ERBB4: variants seen among roughly 807,000 people sequenced by gnomAD.
ERBB4 encodes the protein erb-b2 receptor tyrosine kinase 4, also known as receptor tyrosine-protein kinase erbB-4.
Under a neutral mutation model 158.0 loss-of-function variants are expected in ERBB4, and 42 were observed. The ratio of observed to expected loss-of-function variants is 0.27; its 90% CI spans 0.21 to 0.34. The LOEUF is 0.34. Among genes scored for constraint, ERBB4 ranks in the 10% least tolerant of loss-of-function variants. The pLI is 1.00. For synonymous variants in ERBB4, 583 were observed against 558.7 expected, an observed-to-expected ratio of 1.04 and a Z score of -0.61; for missense variants, 1,333 against 1,624.1, an observed-to-expected ratio of 0.82 and a Z score of 3.08.
At chr2:211,740,622 C>CTTTTTTTTTTTTTTTT (rs1169540948) in intron 5 of ERBB4, among the ~76,000 whole-genome samples, 1 of 90,174 alleles carries the variant, frequency 1.1e-5, no homozygotes, top group Non-Finnish European at 2.0e-5. Context: ...TTTTCTTTGT[C>CTTTTTTTTTTTTTTTT]TTTTTTTTTT....
At chr2:212,251,218 T>C (rs2084520646) in intron 1 of ERBB4, among the ~76,000 whole-genome samples, 1 of 152,158 alleles carries the variant, frequency 6.6e-6, no homozygotes, top group Admixed American at 6.6e-5. Context: ...TTGCTTTTTA[T>C]TTACAAAAAT....
chr2:212,403,761 T>C (rs913605340), intron 1 of ERBB4, among the ~76,000 whole-genome samples: 3 of 152,022 alleles, frequency 2.0e-5, no homozygotes, highest in African/African-American at 7.2e-5. Flanking sequence ...AATCGACAGG[T>C]ACAAAGTTTC....
At position 211,657,552 on chromosome 2, in the gene ERBB4, C is replaced by T. The variant is rs368552449; in HGVS notation, c.1946+202G>A. On this transcript the variant is annotated intron_variant, in intron 16 of 27. Coordinates refer to ENST00000342788, the MANE Select transcript of ERBB4 (RefSeq NM_005235.3). Reference sequence around the variant, plus strand: ...ATCGATGGTGTTACTAACTGGGACTCTTGTATCACAATGAATGAAGGAAAA... The same window carrying T: ...ATCGATGGTGTTACTAACTGGGACTTTTGTATCACAATGAATGAAGGAAAA... 367 of 586,640 alleles carry T rather than the reference C, an allele frequency of 6.3e-4. 4 individuals carry two copies. In the East Asian group the frequency reaches 9.9e-3, roughly 16 times the overall value. The allele number at this position is 586,640 out of a possible 1,614,324, so 36.3% of individuals were successfully genotyped here.
chr2:212,091,112 G>C (rs1299002314), intron 2 of ERBB4, among the ~76,000 whole-genome samples: 1 of 151,784 alleles, frequency 6.6e-6, no homozygotes, highest in African/African-American at 2.4e-5. Flanking sequence ...ATGTGTAAAT[G>C]TCTATACAGA....
At chr2:212,537,463 G>C (rs1364268100) in intron 1 of ERBB4, among the ~76,000 whole-genome samples, 1 of 151,990 alleles carries the variant, frequency 6.6e-6, no homozygotes, top group Non-Finnish European at 1.5e-5. Context: ...AAGCCGTGGC[G>C]GGCCAGCCCC....
intron 20 of ERBB4, among the ~76,000 whole-genome samples, chr2:211,467,821 A>T (rs1423240932): frequency 6.6e-6 from 1 of 152,200 alleles, no homozygotes; most frequent in Non-Finnish European, 1.5e-5. Context: ...GGTGATCTAG[A>T]TAAAACATGT....
chr2:211,934,926 T>TAAAAAAAAAAAAAAAAACAAAAAAAA (rs34614862), intron 3 of ERBB4, among the ~76,000 whole-genome samples: 2 of 86,646 alleles, frequency 2.3e-5, no homozygotes, highest in Non-Finnish European at 5.1e-5. Flanking sequence ...CTCATTCAGC[T>TAAAAAAAAAAAAAAAAACAAAAAAAA]AAAAAAAAAA....
intron 2 of ERBB4, among the ~76,000 whole-genome samples, chr2:212,123,707 T>A (rs1007863865): frequency 6.6e-6 from 1 of 152,110 alleles, no homozygotes; most frequent in African/African-American, 2.4e-5. Flanking sequence ...TTTTCTGAGG[T>A]TGTTACCAAT....
intron 20 of ERBB4, among the ~76,000 whole-genome samples, chr2:211,535,429 T>TACC (rs559579066): frequency 3.9e-4 from 59 of 152,140 alleles, no homozygotes; most frequent in South Asian, 1.2e-3. Flanking sequence ...GAGTCTTAGG[T>TACC]ACCAGCATTA....
At chr2:212,240,832 T>C (rs1339024610) in intron 1 of ERBB4, among the ~76,000 whole-genome samples, 2 of 151,986 alleles carry the variant, frequency 1.3e-5, no homozygotes, top group African/African-American at 4.8e-5. Context: ...AGTTCACATC[T>C]TTGGGTCTTG....
intron 20 of ERBB4, among the ~76,000 whole-genome samples, chr2:211,483,901 G>C (rs2065143125): frequency 6.6e-6 from 1 of 152,024 alleles, no homozygotes. Context: ...AGAAGATAAA[G>C]AGCAACATAT....
At chr2:212,113,234 G>C (rs766327241) in intron 2 of ERBB4, among the ~76,000 whole-genome samples, 3 of 152,084 alleles carry the variant, frequency 2.0e-5, no homozygotes, top group African/African-American at 7.2e-5. Flanking sequence ...ACATTCCATA[G>C]AGGAAGAAAA....
rs1250397553 is a variant in ERBB4 at position 212,124,767 on chromosome 2, G to C, written c.219C>G (p.Asp73Glu). The C allele has an allele frequency of 6.2e-7, 1 of 1,614,116 alleles. No individual in the cohort carries two copies. Among genetic ancestry groups the C allele is most frequent in the Non-Finnish European group, 8.5e-7 (1 of 1,179,998 alleles). Reference protein sequence around the residue: ...LEITSIEHNRDLSFLRSVREV... With the variant: ...LEITSIEHNRELSFLRSVREV... Reference sequence around the variant, plus strand: ...ACAGCTTTACCCGCAGGAAGGAGAGGTCCCGGTTGTGCTCAATGCTGGTTA... The same window carrying C: ...ACAGCTTTACCCGCAGGAAGGAGAGCTCCCGGTTGTGCTCAATGCTGGTTA... Residue 73 changes from aspartate (D) to glutamate (E), a missense_variant, in exon 2 of 28, where the codon GAC (aspartate) becomes GAG (glutamate). This residue lies in a region of ERBB4 where 438 missense variants were observed against 586.9 expected (regional missense o/e 0.75). Transcript: ENST00000342788.
At chr2:212,249,424 ATC>A (rs2084438285) in intron 1 of ERBB4, among the ~76,000 whole-genome samples, 1 of 151,758 alleles carries the variant, frequency 6.6e-6, no homozygotes, top group African/African-American at 2.4e-5. Flanking sequence ...AAGGAAAAAT[ATC>A]ATTCATGATA....
chr2:211,666,086 A>T (rs977492190), intron 14 of ERBB4, among the ~76,000 whole-genome samples: 1 of 152,314 alleles, frequency 6.6e-6, no homozygotes, highest in African/African-American at 2.4e-5. Context: ...AAAATTTGTT[A>T]TGATAACATT....
intron 3 of ERBB4, among the ~76,000 whole-genome samples, chr2:211,826,195 T>A (rs115579087): frequency 0.02 from 2,968 of 151,780 alleles, 39 homozygotes; most frequent in Non-Finnish European, 0.028. Context: ...ATAAGGAGAA[T>A]TGCACAAAAT....
Position 211,773,369 on chromosome 2 carries a change from T to A in ERBB4, c.556+14656A>T, listed in dbSNP as rs576258201. Reference sequence around the variant, plus strand: ...TAAATTTACATAAATGTTTACTTTTTATGTACTTATTACATACAAATGAAT... The same window carrying A: ...TAAATTTACATAAATGTTTACTTTTAATGTACTTATTACATACAAATGAAT... On this transcript the variant is annotated intron_variant, in intron 4 of 27. Transcript: ENST00000342788. Among the ~76,000 whole-genome samples, 14 of 151,658 alleles carry A rather than the reference T, an allele frequency of 9.2e-5. No homozygotes were observed. The South Asian group carries it at 2.9e-3, about 32-fold the overall frequency.
chr2:212,014,566 T>C (rs2076464369), intron 2 of ERBB4, among the ~76,000 whole-genome samples: 1 of 152,216 alleles, frequency 6.6e-6, no homozygotes, highest in Non-Finnish European at 1.5e-5. Flanking sequence ...TTTAGATATC[T>C]GTTATCTTTA....
At chr2:211,720,211 C>T (rs532873735) in intron 7 of ERBB4, among the ~76,000 whole-genome samples, 1 of 152,338 alleles carries the variant, frequency 6.6e-6, no homozygotes, top group East Asian at 1.9e-4. Context: ...AGGATGCAAG[C>T]TTTTGCCTAT....
Sources: allele counts gnomAD v4.1 joint callset (sites outside exome capture counted in the v4.1 genomes callset), GRCh38; gene constraint gnomAD v4.1.1; regional missense constraint gnomAD v4.1.1; transcripts MANE v1.5; gene names NCBI Gene and HGNC (gene_info 2026-07-23, HGNC 2026-07-21).